Variants in MTOR observed in about 807,000 individuals in gnomAD.
The protein encoded by MTOR is mechanistic target of rapamycin kinase.
MTOR carries 70 observed loss-of-function variants against 319.8 expected under a neutral mutation model. The observed-to-expected ratio is 0.22, with a 90% confidence interval of 0.18 to 0.27. The LOEUF is 0.27. MTOR is among the 10% of genes least tolerant of loss of function. The pLI is 1.00. For missense variants in MTOR, 1,890 were observed against 3,274.4 expected (o/e 0.58, Z 10.32); for synonymous variants, 1,183 against 1,211.4 (o/e 0.98, Z 0.49).
intron 29 of MTOR, among the ~76,000 whole-genome samples, chr1:11,165,073 A>G (rs1214393658): frequency 6.6e-6 from 1 of 152,232 alleles, no homozygotes; most frequent in Admixed American, 6.5e-5. Flanking sequence ...ACTCTCAATA[A>G]ATTAGGTATT....
At chr1:11,108,617 G>A (rs1447288940) in intron 56 of MTOR, among the ~76,000 whole-genome samples, 1 of 151,260 alleles carries the variant, frequency 6.6e-6, no homozygotes, top group Admixed American at 6.6e-5. Context: ...GGAGCCTGAG[G>A]CAGGAGAATC....
intron 28 of MTOR, among the ~76,000 whole-genome samples, chr1:11,180,869 C>T (rs1157005984): frequency 2.0e-5 from 3 of 151,778 alleles, no homozygotes; most frequent in African/African-American, 4.8e-5. Context: ...CTCTACCTCC[C>T]GAGTTCAAGC....
chr1:11,205,379 A>G (rs917860275), intron 25 of MTOR, among the ~76,000 whole-genome samples: 3 of 152,224 alleles, frequency 2.0e-5, no homozygotes, highest in Non-Finnish European at 4.4e-5. Context: ...TCCCAGTTAT[A>G]TAACATAATT....
chr1:11,107,857 C>T lies in MTOR; in HGVS notation c.7634+324G>A, dbSNP rs1349321340. ...GCTCTAGCTTTTTCTTTCCTTCGCCCTTCCTGTATCTCTGCACTGGACTGA... is the reference window on the plus strand; with the variant it reads ...GCTCTAGCTTTTTCTTTCCTTCGCCTTTCCTGTATCTCTGCACTGGACTGA... On this transcript the variant is annotated intron_variant, in intron 57 of 57. Transcript: ENST00000361445. 2.0e-5 allele frequency among the ~76,000 whole-genome samples: 3 copies of T among 152,280 alleles called. No individual in the cohort carries two copies. In the East Asian group the frequency reaches 5.8e-4, roughly 29 times the overall value.
In MTOR at chr1:11,253,859, T is replaced by C. The variant is rs1650022722; in HGVS notation, c.820A>G (p.Ile274Val). The C allele has an allele frequency of 6.2e-7, 1 of 1,614,158 alleles. No homozygotes were observed. Among genetic ancestry groups the C allele is most frequent in the Non-Finnish European group, 8.5e-7 (1 of 1,180,028 alleles). ...CTCACCTCTCCCTCCATGCTGCTGA[T>C]TCGGACCAGCTCGTTAAGGATCAAC... ...ALLILNELVR[I>V]SSMEGERLRE... The change falls in exon 6 of 58, where the codon ATC (isoleucine) becomes GTC (valine). Residue 274 changes from isoleucine (I) to valine (V), a missense_variant. Ile to Val is a conservative substitution (Grantham distance 29, BLOSUM62 3). Coordinates refer to ENST00000361445, the MANE Select transcript of MTOR (RefSeq NM_004958.4).
At chr1:11,225,606 G>A (rs2100840967) in intron 19 of MTOR, among the ~76,000 whole-genome samples, 1 of 152,176 alleles carries the variant, frequency 6.6e-6, no homozygotes, top group Admixed American at 6.6e-5. Context: ...ATTTTTAGTA[G>A]AGATGGGGTT....
chr1:11,150,801 T>C (rs1571001591), intron 30 of MTOR, among the ~76,000 whole-genome samples: 1 of 152,150 alleles, frequency 6.6e-6, no homozygotes, highest in Admixed American at 6.5e-5. Context: ...GATATTGAGA[T>C]ATAAATGGTG....
chr1:11,196,771 G>GC (rs1210748863), intron 28 of MTOR, among the ~76,000 whole-genome samples: 2 of 151,758 alleles, frequency 1.3e-5, no homozygotes, highest in Non-Finnish European at 2.9e-5. Context: ...AGAATCGCTT[G>GC]CATCTAGGAG....
At chr1:11,156,129 C>G (rs1166668244) in intron 30 of MTOR, among the ~76,000 whole-genome samples, 2 of 152,182 alleles carry the variant, frequency 1.3e-5, no homozygotes, top group South Asian at 4.1e-4. Context: ...TAGCTGGGAT[C>G]ATAGGCCTGC....
chr1:11,216,799 C>A (rs1392275680), intron 19 of MTOR, among the ~76,000 whole-genome samples: 1 of 152,148 alleles, frequency 6.6e-6, no homozygotes, highest in Non-Finnish European at 1.5e-5. Flanking sequence ...TGTGCCCAGG[C>A]TCTTCCATGG....
intron 4 of MTOR, among the ~76,000 whole-genome samples, chr1:11,256,466 T>C (rs2100976588): frequency 6.6e-6 from 1 of 152,384 alleles, no homozygotes; most frequent in East Asian, 1.9e-4. Flanking sequence ...TCTTTACCAC[T>C]ATACTAACAG....
intron 28 of MTOR, among the ~76,000 whole-genome samples, chr1:11,196,988 A>G (rs1299129031): frequency 6.6e-6 from 1 of 152,224 alleles, no homozygotes; most frequent in Non-Finnish European, 1.5e-5. Context: ...GAAAAAGCAG[A>G]CAACTTGGTG....
chr1:11,162,658 C>G (rs1250361393), intron 29 of MTOR, among the ~76,000 whole-genome samples: 2 of 152,164 alleles, frequency 1.3e-5, no homozygotes, highest in East Asian at 1.9e-4. Flanking sequence ...GAATTTTCAA[C>G]CCAGAATTTC....
At chr1:11,231,147 C>A in intron 17 of MTOR, 93 bp from the exon 18 acceptor site, 1 of 1,596,920 alleles carries the variant, frequency 6.3e-7, no homozygotes, top group South Asian at 1.1e-5. Context: ...ACATAATCCC[C>A]AGTTCATATC....
Position 11,257,489 on chromosome 1 carries a change from G to A in MTOR, c.272-324C>T, listed in dbSNP as rs536862474. On this transcript the variant is annotated intron_variant, in intron 3 of 57. Transcript: ENST00000361445. ...GAGGCAGGAGAATTGCTTGGACCTG[G>A]GAGGCAGAGGTTGCAGTAAGCCGAG... Among the ~76,000 whole-genome samples the A allele has an allele frequency of 5.4e-5, 8 of 149,326 alleles. No individual in the cohort carries two copies. In the Admixed American group the frequency reaches 5.4e-4, roughly 10 times the overall value.
Position 11,172,914 on chromosome 1 carries a change from C to T in MTOR, c.4254-5397G>A, listed in dbSNP as rs1479343464. Reference sequence around the variant, plus strand: ...TGACTAAACTCATGAAAAATGAACACTCTCGCTCTGAGAAATTAATTTCTT... The same window carrying T: ...TGACTAAACTCATGAAAAATGAACATTCTCGCTCTGAGAAATTAATTTCTT... On this transcript the variant is annotated intron_variant, in intron 28 of 57. Coordinates refer to ENST00000361445, the MANE Select transcript of MTOR (RefSeq NM_004958.4). 2.7e-5 allele frequency among the ~76,000 whole-genome samples: 4 copies of T among 150,712 alleles called. No homozygotes were observed. The Admixed American group carries it at 2.7e-4, about 10-fold the overall frequency.
chr1:11,233,604 G>T, intron 14 of MTOR, 117 bp from the exon 15 acceptor site: 1 of 754,138 alleles, frequency 1.3e-6, no homozygotes. Flanking sequence ...TTCCTTCTAG[G>T]CTTTATGAAT....
intron 25 of MTOR, among the ~76,000 whole-genome samples, chr1:11,208,732 G>A (rs1646218565): frequency 6.6e-6 from 1 of 152,212 alleles, no homozygotes; most frequent in Non-Finnish European, 1.5e-5. Flanking sequence ...CATACATGGT[G>A]AAAAGCTGGT....
chr1:11,189,459 T>A (rs1405183059), intron 28 of MTOR: 43 of 1,189,844 alleles, frequency 3.6e-5, no homozygotes, highest in Non-Finnish European at 5.0e-5. Flanking sequence ...AACAACAAAG[T>A]GGCGAGGCCC....
Sources: gnomAD v4.1 joint callset for allele counts (sites outside exome capture counted in the v4.1 genomes callset) on GRCh38, gnomAD v4.1.1 for gene constraint, MANE v1.5 for transcripts, NCBI Gene and HGNC (gene_info 2026-07-23, HGNC 2026-07-21) for gene names.